A2M: variants seen among roughly 807,000 people sequenced by gnomAD.
A2M encodes C3 and PZP-like alpha-2-macroglobulin domain-containing protein 5.
In A2M, 128 loss-of-function variants were observed where a neutral mutation model predicts 183.9. That is an observed-to-expected ratio of 0.70 (90% confidence interval 0.60 to 0.81). The LOEUF is 0.81. Among genes scored for constraint, A2M ranks in the 30% least tolerant of loss-of-function variants. The probability of loss-of-function intolerance (pLI) is 0.00; values close to 1 mark genes in which losing one functional copy is unlikely to be tolerated. For synonymous variants in A2M, 592 were observed against 670.8 expected (o/e 0.88, Z 1.81); for missense variants, 1,495 against 1,787.6 (o/e 0.84, Z 2.95).
At chr12:9,082,050 C>T (rs901209216) in intron 22 of A2M, among the ~76,000 whole-genome samples, 1 of 152,176 alleles carries the variant, frequency 6.6e-6, no homozygotes, top group African/African-American at 2.4e-5. Context: ...GTGACCCCAC[C>T]CAGGTAGCAG....
Position 9,076,821 on chromosome 12 carries a change from A to G in A2M, c.3467T>C (p.Leu1156Pro), listed in dbSNP as rs1354011515. 6.2e-7 allele frequency: 1 copy of G among 1,613,954 alleles called. No individual in the cohort carries two copies. The highest frequency in any genetic ancestry group is 8.5e-7 in the Non-Finnish European group (1 of 1,179,990). The change falls in exon 28 of 36, where the codon CTG becomes CCG. Residue 1156 changes from leucine (L) to proline (P), a missense_variant. Physicochemically the swap from Leu to Pro is moderately conservative, Grantham distance 98 (BLOSUM62 -3). Transcript: ENST00000318602. ...CTTCCTCTTGTCCTGGTTACCTGCCAGGGCAAAAGCATAGGCCAGCAGTGC... is the reference window on the plus strand; with the variant it reads ...CTTCCTCTTGTCCTGGTTACCTGCCGGGGCAAAAGCATAGGCCAGCAGTGC... ...TKALLAYAFA[L>P]AGNQDKRKEV...
intron 18 of A2M, among the ~76,000 whole-genome samples, chr12:9,091,761 G>T (rs1949220811): frequency 6.6e-6 from 1 of 152,172 alleles, no homozygotes; most frequent in Non-Finnish European, 1.5e-5. Context: ...CTACTATTGT[G>T]TATAGTGGGC....
intron 28 of A2M, among the ~76,000 whole-genome samples, chr12:9,076,053 T>A (rs965484543): frequency 1.3e-5 from 2 of 152,236 alleles, no homozygotes; most frequent in Non-Finnish European, 2.9e-5. Flanking sequence ...GACCATGGTA[T>A]ATGTAGAAGT....
intron 22 of A2M, among the ~76,000 whole-genome samples, chr12:9,087,041 TA>T (rs1949071971): frequency 6.6e-6 from 1 of 152,086 alleles, no homozygotes; most frequent in East Asian, 1.9e-4. Flanking sequence ...ACAATAGCTA[TA>T]AACAATATGT....
chr12:9,079,268 T>C lies in A2M; in HGVS notation c.3095A>G (p.Tyr1032Cys), dbSNP rs753076662. 10 of 1,613,758 alleles carry C rather than the reference T, an allele frequency of 6.2e-6. No individual in the cohort carries two copies. Among genetic ancestry groups the C allele is most frequent in the Non-Finnish European group, 8.5e-6 (10 of 1,179,778 alleles). The change falls in exon 25 of 36, where the codon TAT (tyrosine) becomes TGT (cysteine). Residue 1032 changes from tyrosine (Y) to cysteine (C), a missense_variant. Transcript: ENST00000318602. ...CCAGGTGTTGCCCTGGTTCCTGCCA[T>C]ATCGCTCCCCAAAGGTGCTGTAGGA... Reference protein sequence around the residue: ...DGSYSTFGERYGRNQGNTWLT... With the variant: ...DGSYSTFGERCGRNQGNTWLT...
At chr12:9,080,027 T>G in intron 23 of A2M, 67 bp downstream of exon 23, 1 of 1,079,124 alleles carries the variant, frequency 9.3e-7, no homozygotes, top group South Asian at 1.9e-5. Flanking sequence ...AGTAAATATT[T>G]ATGGGAAATA....
Position 9,072,362 on chromosome 12 carries a change from A to T in A2M, c.4100T>A (p.Val1367Asp). 1 of 1,613,846 alleles carries T rather than the reference A, an allele frequency of 6.2e-7. No individual in the cohort carries two copies. The highest frequency in any genetic ancestry group is 8.5e-7 in the Non-Finnish European group (1 of 1,179,864). The change falls in exon 31 of 36, where the codon GTC (valine) becomes GAC (aspartate). Residue 1367 changes from valine to aspartate, a missense_variant. Coordinates refer to ENST00000318602, the MANE Select transcript of A2M (RefSeq NM_000014.6). ...TGATAGAGTCAGAAGGTCTTACCTG[A>T]CACTTAGGGAGATTTGGAAGCTGGT... ...AHTSFQISLS[V>D]SYTGSRSASN...
In A2M at chr12:9,069,677, C is replaced by G. The variant is rs373240296; in HGVS notation, c.4263+68G>C. The G allele has an allele frequency of 7.0e-5, 85 of 1,221,832 alleles. 2 individuals carry two copies. In the African/African-American group the frequency reaches 8.9e-4, roughly 13 times the overall value. The allele number at this position is 1,221,832 out of a possible 1,614,324, so 75.7% of individuals were successfully genotyped here. The stretch of plus-strand genomic sequence containing the variant: ...AGTGATGTTTCTAAAATGCATTTAC[C>G]TTCCCAGATGTTCCCTTAGAGGATT... On this transcript the variant is annotated intron_variant, in intron 33 of 35. Transcript: ENST00000318602.
In A2M at chr12:9,095,068, G is replaced by A; in HGVS notation, c.2030C>T (p.Ala677Val). ...YSFLEDMGLK[A>V]FTNSKIRKPK... ...TTTACGAATCTTTGAGTTGGTGAAT[G>A]CCTTTAAGCCCATGTCCTGCAAAGA... The change falls in exon 17 of 36, where the codon GCA (alanine) becomes GTA (valine). Residue 677 changes from alanine to valine, a missense_variant. Transcript: ENST00000318602. 1 of 1,583,022 alleles carries A rather than the reference G, an allele frequency of 6.3e-7. No individual in the cohort carries two copies. The highest frequency in any genetic ancestry group is 8.6e-7 in the Non-Finnish European group (1 of 1,161,956).
At chr12:9,077,197 C>T (rs1043532630) in intron 27 of A2M, 149 bp downstream of exon 27, 4 of 849,932 alleles carry the variant, frequency 4.7e-6, no homozygotes, top group Non-Finnish European at 3.6e-6. Flanking sequence ...AATGGGCTGA[C>T]CAAATTCTCT....
intron 15 of A2M, among the ~76,000 whole-genome samples, chr12:9,098,163 T>A (rs1949442083): frequency 6.6e-6 from 1 of 152,196 alleles, no homozygotes; most frequent in Non-Finnish European, 1.5e-5. Flanking sequence ...TAATCCTTTC[T>A]TTTATTTTGC....
At chr12:9,106,470 A>T in intron 9 of A2M, 21 bp downstream of exon 9, 1 of 1,503,846 alleles carries the variant, frequency 6.6e-7, no homozygotes, top group Non-Finnish European at 9.2e-7. Context: ...GTTTTCTCTT[A>T]TACCCATGTA....
intron 7 of A2M, among the ~76,000 whole-genome samples, 160 bp downstream of exon 7, chr12:9,109,161 G>T (rs918978660): frequency 6.6e-6 from 1 of 152,120 alleles, no homozygotes; most frequent in Non-Finnish European, 1.5e-5. Flanking sequence ...AATAAAAATA[G>T]AAAAGCAACA....
At chr12:9,106,681 T>C in intron 8 of A2M, 76 bp from the exon 9 acceptor site, 1 of 706,712 alleles carries the variant, frequency 1.4e-6, no homozygotes, top group Non-Finnish European at 2.3e-6. Flanking sequence ...ATAACCGGTG[T>C]GATTTTTGTG....
At chr12:9,098,101 C>G (rs1223656374) in intron 15 of A2M, among the ~76,000 whole-genome samples, 1 of 152,170 alleles carries the variant, frequency 6.6e-6, no homozygotes, top group Admixed American at 6.5e-5. Flanking sequence ...ACTGTATGGT[C>G]TTTTTACATT....
chr12:9,080,267 C>CT (rs1948871550), intron 22 of A2M, 90 bp from the exon 23 acceptor site: 1 of 778,524 alleles, frequency 1.3e-6, no homozygotes, highest in African/African-American at 1.8e-5. Context: ...AGGACTATGC[C>CT]TTATACCTAA....
chr12:9,073,200 C>G (rs1182589892), intron 29 of A2M, among the ~76,000 whole-genome samples: 1 of 152,166 alleles, frequency 6.6e-6, no homozygotes, highest in Non-Finnish European at 1.5e-5. Context: ...GCTAACATGT[C>G]TTTCTTGACA....
At chr12:9,077,952 A>G in intron 25 of A2M, 95 bp from the exon 26 acceptor site, 1 of 1,466,060 alleles carries the variant, frequency 6.8e-7, no homozygotes, top group Non-Finnish European at 9.4e-7. Flanking sequence ...GAGTTAGCTA[A>G]CAAAATTCTT....
At chr12:9,072,528 C>T (rs1380524253) in intron 30 of A2M, 42 bp from the exon 31 acceptor site, 1 of 1,602,236 alleles carries the variant, frequency 6.2e-7, no homozygotes, top group South Asian at 1.1e-5. Context: ...TGCCCTTTCC[C>T]AGAATTCCTG....
Sources: allele counts gnomAD v4.1 joint callset (sites outside exome capture counted in the v4.1 genomes callset), GRCh38; gene constraint gnomAD v4.1.1; transcripts MANE v1.5; gene names NCBI Gene and HGNC (gene_info 2026-07-23, HGNC 2026-07-21).